Variants in MEIOB observed in about 807,000 individuals in gnomAD.
MEIOB encodes the protein meiosis specific with OB-fold.
In MEIOB, 50 loss-of-function variants were observed where a neutral mutation model predicts 53.1. The observed-to-expected ratio is 0.94, with a 90% CI of 0.75 to 1.19. MEIOB has a LOEUF of 1.19. Ranked by LOEUF, MEIOB falls within the 50% of genes most tolerant of loss-of-function variation. MEIOB has a pLI of 0.00. For missense variants in MEIOB, 551 were observed against 550.8 expected, an observed-to-expected ratio of 1.00 and a Z score of 0.00; for synonymous variants, 192 against 182.5, an observed-to-expected ratio of 1.05 and a Z score of -0.42.
At chr16:1,862,299 AT>A (rs1413426358) in intron 3 of MEIOB, among the ~76,000 whole-genome samples, 183 bp from the exon 4 acceptor site, 1 of 152,202 alleles carries the variant, frequency 6.6e-6, no homozygotes, top group Non-Finnish European at 1.5e-5. Context: ...GTTCTTTCAG[AT>A]GTATATTCTA....
At position 1,853,266 on chromosome 16, in the gene MEIOB, T is replaced by G; in HGVS notation, c.635A>C (p.Asp212Ala). 1.3e-6 allele frequency: 2 copies of G among 1,548,200 alleles called. No homozygotes were observed. The highest frequency in any genetic ancestry group is 1.7e-6 in the Non-Finnish European group (2 of 1,143,540). ...CTGTGCAAGTAGAATGGATTCATTATCCCAACTGCATTTGTTTAAAAAGAA... is the reference window on the plus strand; with the variant it reads ...CTGTGCAAGTAGAATGGATTCATTAGCCCAACTGCATTTGTTTAAAAAGAA... ...TESSFAMTCW[D>A]NESILLAQSW... Residue 212 changes from aspartate to alanine, a missense_variant, in exon 8 of 14, where the codon GAT (aspartate) becomes GCT (alanine). Asp to Ala is a moderately radical substitution (Grantham distance 126). Transcript: ENST00000325962.
At chr16:1,844,478 T>C (rs12599341) in intron 10 of MEIOB, among the ~76,000 whole-genome samples, 27,071 of 151,968 alleles carry the variant, frequency 0.18, 2,570 homozygotes, top group South Asian at 0.27. Flanking sequence ...TACAGTCTTG[T>C]TCTGACACCC....
intron 6 of MEIOB, among the ~76,000 whole-genome samples, chr16:1,857,052 G>T (rs1428998049): frequency 6.6e-6 from 1 of 152,202 alleles, no homozygotes; most frequent in Non-Finnish European, 1.5e-5. Flanking sequence ...GTAAGCCACT[G>T]TGCCTGGACT....
intron 4 of MEIOB, among the ~76,000 whole-genome samples, chr16:1,861,710 T>C (rs1899447934): frequency 1.3e-5 from 2 of 152,064 alleles, no homozygotes; most frequent in Middle Eastern, 3.4e-3. Flanking sequence ...ACCCAGCTAA[T>C]TTTTTGTAGA....
intron 9 of MEIOB, among the ~76,000 whole-genome samples, chr16:1,848,949 G>A (rs1164746648): frequency 6.6e-6 from 1 of 152,154 alleles, no homozygotes; most frequent in African/African-American, 2.4e-5. Flanking sequence ...GCACTTCTCA[G>A]GGGAGAGGGT....
At chr16:1,845,021 T>A (rs1030210626) in intron 9 of MEIOB, 58 bp from the exon 10 acceptor site, 2 of 773,788 alleles carry the variant, frequency 2.6e-6, no homozygotes, top group African/African-American at 3.5e-5. Flanking sequence ...TAAATCACAT[T>A]TAAATCATCC....
At position 1,862,101 on chromosome 16, in the gene MEIOB, C is replaced by T; in HGVS notation, c.143G>A (p.Arg48Lys). Residue 48 changes from arginine (R) to lysine (K), a missense_variant, in exon 4 of 14, where the codon AGG becomes AAG. Coordinates refer to ENST00000325962, the MANE Select transcript of MEIOB (RefSeq NM_001163560.3). ...FPDRKNIGSE[R>K]YTFSFTIRDS... Reference sequence around the variant, plus strand: ...CCGAATGGTGAAGCTGAAAGTGTACCTTTCTGATCCAATATCTAAGGGAAA... The same window carrying T: ...CCGAATGGTGAAGCTGAAAGTGTACTTTTCTGATCCAATATCTAAGGGAAA... The T allele has an allele frequency of 6.4e-7, 1 of 1,550,906 alleles. No homozygotes were observed. Among genetic ancestry groups the T allele is most frequent in the Non-Finnish European group, 8.7e-7 (1 of 1,146,568 alleles).
chr16:1,868,734 A>C (rs754919777), intron 1 of MEIOB, among the ~76,000 whole-genome samples: 2 of 151,748 alleles, frequency 1.3e-5, no homozygotes, highest in African/African-American at 4.8e-5. Context: ...AGGCACCTGT[A>C]GGCCCAGCTA....
intron 12 of MEIOB, 79 bp downstream of exon 12, chr16:1,839,176 A>G: frequency 7.0e-7 from 1 of 1,434,594 alleles, no homozygotes; most frequent in South Asian, 1.6e-5. Flanking sequence ...CAAATGTTTG[A>G]CAAAACAACC....
At chr16:1,862,613 C>T (rs1899474785) in intron 3 of MEIOB, among the ~76,000 whole-genome samples, 1 of 152,006 alleles carries the variant, frequency 6.6e-6, no homozygotes, top group African/African-American at 2.4e-5. Flanking sequence ...GAGCAAGACC[C>T]CGTCCCAAAA....
At position 1,856,759 on chromosome 16, in the gene MEIOB, C is replaced by G. The variant is rs868248673; in HGVS notation, c.528+976G>C. On this transcript the variant is annotated intron_variant, in intron 6 of 13. Transcript: ENST00000325962. ...ACAGGCATGAGCCACCACGCCAGGC[C>G]TTTTTTTTTTTTTTTTTTTTTTGAG... 2.3e-3 allele frequency among the ~76,000 whole-genome samples: 192 copies of G among 84,186 alleles called. 3 individuals carry two copies. The highest frequency in any genetic ancestry group is 8.9e-3 in the Middle Eastern group (1 of 112). 55.2% of individuals were successfully genotyped at this position (84,186 alleles called of 152,430 possible). A position where few individuals can be genotyped will look rare whatever the true frequency, so the allele number is the denominator to read the frequency against.
At chr16:1,857,635 G>T in intron 6 of MEIOB, 100 bp downstream of exon 6, 1 of 848,756 alleles carries the variant, frequency 1.2e-6, no homozygotes, top group Non-Finnish European at 1.8e-6. Context: ...GAGAAGAAAA[G>T]TTACCCCAGC....
chr16:1,834,932 T>C (rs1596958665), intron 13 of MEIOB, among the ~76,000 whole-genome samples: 6 of 106,214 alleles, frequency 5.6e-5, no homozygotes, highest in African/African-American at 7.0e-5. Context: ...CGAAACTCTG[T>C]CCCCCCCACC....
intron 9 of MEIOB, among the ~76,000 whole-genome samples, chr16:1,849,729 T>C (rs946323579): frequency 2.6e-5 from 4 of 152,142 alleles, no homozygotes; most frequent in African/African-American, 9.7e-5. Flanking sequence ...AGTATTCTCC[T>C]TTAAATCTGT....
At chr16:1,866,782 A>G (rs1193344508) in intron 2 of MEIOB, among the ~76,000 whole-genome samples, 1 of 152,216 alleles carries the variant, frequency 6.6e-6, no homozygotes, top group Admixed American at 6.5e-5. Flanking sequence ...CTGAAAGGAA[A>G]AAAACTAAAC....
intron 6 of MEIOB, among the ~76,000 whole-genome samples, chr16:1,855,658 G>C (rs1899281634): frequency 6.6e-6 from 1 of 152,144 alleles, no homozygotes; most frequent in Non-Finnish European, 1.5e-5. Context: ...TCTAGAATTT[G>C]GGGAAATCGC....
At chr16:1,869,092 T>C (rs1366767428) in intron 1 of MEIOB, among the ~76,000 whole-genome samples, 2 of 152,128 alleles carry the variant, frequency 1.3e-5, no homozygotes, top group African/African-American at 2.4e-5. Flanking sequence ...ACCATGTAAA[T>C]TTAGTTTTAT....
At chr16:1,855,907 T>C (rs945561347) in intron 6 of MEIOB, among the ~76,000 whole-genome samples, 1 of 148,712 alleles carries the variant, frequency 6.7e-6, no homozygotes, top group Admixed American at 6.8e-5. Flanking sequence ...TTACATGAAC[T>C]ATCATAAGCA....
At chr16:1,846,709 C>T (rs1213975825) in intron 9 of MEIOB, among the ~76,000 whole-genome samples, 2 of 151,808 alleles carry the variant, frequency 1.3e-5, no homozygotes, top group East Asian at 3.9e-4. Flanking sequence ...AACAGAAAGC[C>T]AAATACCATA....
Sources: gnomAD v4.1 joint callset for allele counts (sites outside exome capture counted in the v4.1 genomes callset) on GRCh38, gnomAD v4.1.1 for gene constraint, MANE v1.5 for transcripts, NCBI Gene and HGNC (gene_info 2026-07-23, HGNC 2026-07-21) for gene names.